Variants in SEMA4G observed in about 807,000 individuals in gnomAD.
SEMA4G encodes semaphorin 4G, also known as semaphorin-4G.
SEMA4G carries 59 observed loss-of-function variants against 81.2 expected under a neutral mutation model. The observed-to-expected ratio is 0.73, with a 90% CI of 0.59 to 0.90. SEMA4G has a LOEUF of 0.90. SEMA4G is among the 40% of genes least tolerant of loss of function. The probability of loss-of-function intolerance (pLI) is 0.00; values close to 1 mark genes in which losing one functional copy is unlikely to be tolerated. For synonymous variants in SEMA4G, 404 were observed against 433.9 expected (o/e 0.93, Z 0.86); for missense variants, 952 against 1,102.3 (o/e 0.86, Z 1.93).
chr10:100,979,258 C>A (rs1420759299), exon 8 of SEMA4G: 2 of 1,614,198 alleles, frequency 1.2e-6, no homozygotes, highest in East Asian at 2.2e-5. Flanking sequence ...AGCCTTCACG[C>A]TGAGCACACA....
At chr10:100,975,908 A>T (rs1704928553) in intron 3 of SEMA4G, among the ~76,000 whole-genome samples, 3 of 152,302 alleles carry the variant, frequency 2.0e-5, no homozygotes, top group South Asian at 2.1e-4. Flanking sequence ...AAAAAAAATA[A>T]AATTAAAAAA....
exon 7 of SEMA4G, chr10:100,978,883 G>A: frequency 1.9e-6 from 3 of 1,614,242 alleles, no homozygotes; most frequent in Non-Finnish European, 2.5e-6. Flanking sequence ...TCGTGCGGGA[G>A]AGCAAGGCCA....
At chr10:100,984,670 T>C in exon 14 of SEMA4G, 1 of 1,536,266 alleles carries the variant, frequency 6.5e-7, no homozygotes, top group Non-Finnish European at 8.7e-7. Flanking sequence ...CACCTTCTCC[T>C]GGTGCATTCT....
At chr10:100,981,263 G>A (rs903479718) in intron 13 of SEMA4G, 34 bp downstream of exon 14, 2 of 1,608,246 alleles carry the variant, frequency 1.2e-6, no homozygotes, top group Non-Finnish European at 1.7e-6. Context: ...GTCTAGCTAC[G>A]CAGACTGTCC....
exon 14 of SEMA4G, chr10:100,983,529 C>T (rs539263557): frequency 1.9e-6 from 3 of 1,614,178 alleles, no homozygotes; most frequent in Admixed American, 3.3e-5. Context: ...GGAAAATGGC[C>T]TCCGCACCCT....
downstream of SEMA4G, chr10:100,985,082 C>A: frequency 1.6e-6 from 1 of 613,146 alleles, no homozygotes; most frequent in Non-Finnish European, 2.7e-6. Context: ...CCTCACAGGC[C>A]CTTGCCTAGG....
chr10:100,982,514 C>T (rs750741689), intron 13 of SEMA4G, among the ~76,000 whole-genome samples: 10 of 152,184 alleles, frequency 6.6e-5, no homozygotes, highest in Non-Finnish European at 1.2e-4. Flanking sequence ...GAAGAAGGGC[C>T]GGGCACGGTG....
At chr10:100,984,549 C>T (rs1313501848) in exon 14 of SEMA4G, 1 of 1,536,182 alleles carries the variant, frequency 6.5e-7, no homozygotes, top group South Asian at 1.2e-5. Context: ...GCCCTGTGTG[C>T]TGGATGGTCC....
chr10:100,975,949 T>C (rs1221656554), intron 3 of SEMA4G, among the ~76,000 whole-genome samples: 1 of 152,040 alleles, frequency 6.6e-6, no homozygotes, highest in Non-Finnish European at 1.5e-5. Flanking sequence ...AACATCACTT[T>C]AGGAATATTT....
In SEMA4G at chr10:100,978,280, T is replaced by C; in HGVS notation, c.436-15T>C. 6.2e-7 allele frequency: 1 copy of C among 1,605,602 alleles called. No individual in the cohort carries two copies. The highest frequency in any genetic ancestry group is 8.5e-7 in the Non-Finnish European group (1 of 1,174,496). ...TGTCTTCGGAACCACTTACTGCTGG[T>C]TCCTTGTTCCCTAGGATGCTGAGGC... On this transcript the variant is annotated splice_polypyrimidine_tract_variant and intron_variant, in intron 4 of 13. Transcript: ENST00000370250.
At chr10:100,984,237 A>C in exon 14 of SEMA4G, 1 of 1,456,314 alleles carries the variant, frequency 6.9e-7, no homozygotes, top group East Asian at 2.5e-5. Context: ...CCCACTCCAT[A>C]CCCTTCTCCC....
chr10:100,984,014 G>C (rs771687718), exon 14 of SEMA4G: 1 of 1,613,498 alleles, frequency 6.2e-7, no homozygotes, highest in African/African-American at 1.3e-5. Flanking sequence ...TGCTTCTGAG[G>C]CAGAGCAACA....
In SEMA4G at chr10:100,980,848, C is replaced by T. The variant is rs141233234; in HGVS notation, c.1494C>T (p.Ser498=). The change falls in exon 12 of 14, where the codon AGC becomes AGT. Residue 498 remains serine (S), a synonymous_variant. Transcript: ENST00000370250. Reference sequence around the variant, plus strand: ...ACAGCCTCTATGTGGGGGCTCCTAGCGGAGTCATCCAGCTACCACTCTCCA... The same window carrying T: ...ACAGCCTCTATGTGGGGGCTCCTAGTGGAGTCATCCAGCTACCACTCTCCA... The T allele has an allele frequency of 4.5e-4, 713 of 1,593,044 alleles. 2 individuals are homozygous for T. The highest frequency in any genetic ancestry group is 5.5e-4 in the Non-Finnish European group (639 of 1,171,616).
chr10:100,983,400 C>T, exon 14 of SEMA4G: 1 of 1,612,212 alleles, frequency 6.2e-7, no homozygotes, highest in South Asian at 1.1e-5. Context: ...GGCCTTGTGG[C>T]TACTCAATGG....
chr10:100,979,337 T>G (rs1358809219), intron 8 of SEMA4G, 66 bp downstream of exon 9: 1 of 1,613,170 alleles, frequency 6.2e-7, no homozygotes, highest in South Asian at 1.1e-5. Context: ...CAGAGGTCAA[T>G]GAGGATGAGA....
At chr10:100,980,648 C>A in exon 11 of SEMA4G, 1 of 1,614,186 alleles carries the variant, frequency 6.2e-7, no homozygotes, top group East Asian at 2.2e-5. Flanking sequence ...CACAAGTGTT[C>A]AGGGAGTCCC....
At chr10:100,975,490 C>T (rs1180592676) in intron 3 of SEMA4G, among the ~76,000 whole-genome samples, 1 of 152,132 alleles carries the variant, frequency 6.6e-6, no homozygotes, top group Non-Finnish European at 1.5e-5. Context: ...GGAAGTAAGC[C>T]CAGTAAAGAT....
In SEMA4G at chr10:100,973,604, A is replaced by C; in HGVS notation, c.331A>C (p.Asn111His). 9.9e-6 allele frequency: 16 copies of C among 1,614,112 alleles called. No individual in the cohort carries two copies. The highest frequency in any genetic ancestry group is 1.4e-5 in the Non-Finnish European group (16 of 1,179,996). Residue 111 changes from asparagine (N) to histidine (H), a missense_variant, in exon 3 of 14, where the codon AAC becomes CAC. Physicochemically the swap from Asn to His is moderately conservative, Grantham distance 68. This residue lies in a region of SEMA4G where 436 missense variants were observed against 488.2 expected (regional missense o/e 0.89). Coordinates refer to ENST00000370250, the Ensembl canonical transcript of SEMA4G. The surrounding 1 kb of genome is among the most constrained non-coding windows in gnomAD (Gnocchi z 5.5). ...CAAATGTCATCAAAAAGGGAAAAAC[A>C]ACCAGGTATGTGGTCTGCCCTGTCC...
chr10:100,976,577 G>C (rs1850796468), intron 3 of SEMA4G, among the ~76,000 whole-genome samples: 1 of 152,180 alleles, frequency 6.6e-6, no homozygotes, highest in African/African-American at 2.4e-5. Flanking sequence ...TCCCACCTCA[G>C]CCTCCCAAAG....
Sources: gnomAD v4.1 joint callset for allele counts (sites outside exome capture counted in the v4.1 genomes callset) on GRCh38, gnomAD v4.1.1 for gene constraint, gnomAD v4.1.1 regional missense constraint, Gnocchi (gnomAD v3.1) non-coding constraint, MANE v1.5 for transcripts, NCBI Gene and HGNC (gene_info 2026-07-23, HGNC 2026-07-21) for gene names.